The following ODF2L variants were observed in gnomAD, a reference collection of about 807,000 sequenced individuals.
ODF2L encodes the protein outer dense fiber of sperm tails 2 like.
A neutral mutation model predicts 86.3 loss-of-function variants in ODF2L; 76 were observed. The observed-to-expected ratio is 0.88, with a 90% CI of 0.73 to 1.07. ODF2L has a LOEUF of 1.07. Ranked by LOEUF, ODF2L falls within the 50% of genes least tolerant of loss-of-function variation. ODF2L has a pLI of 0.00. For synonymous variants in ODF2L, 241 were observed against 231.3 expected, an observed-to-expected ratio of 1.04 and a Z score of -0.38; for missense variants, 748 against 717.4, an observed-to-expected ratio of 1.04 and a Z score of -0.49.
chr1:86,366,475 C>T (rs1659443499), intron 11 of ODF2L, among the ~76,000 whole-genome samples: 1 of 149,134 alleles, frequency 6.7e-6, no homozygotes, highest in Admixed American at 6.7e-5. Flanking sequence ...CACAAATTAG[C>T]TATGGGCTGT....
At chr1:86,355,323 A>G (rs1004625536) in intron 14 of ODF2L, 3 of 1,486,142 alleles carry the variant, frequency 2.0e-6, no homozygotes, top group African/African-American at 2.8e-5. Flanking sequence ...AAAGTGAACA[A>G]ATCAACCAAA....
chr1:86,364,838 T>C (rs1659292274), intron 11 of ODF2L, among the ~76,000 whole-genome samples: 1 of 152,226 alleles, frequency 6.6e-6, no homozygotes, highest in Non-Finnish European at 1.5e-5. Context: ...AACTCTGTAC[T>C]TCTTCTACGT....
At chr1:86,363,979 T>G (rs552931782) in intron 11 of ODF2L, among the ~76,000 whole-genome samples, 1 of 152,206 alleles carries the variant, frequency 6.6e-6, no homozygotes, top group South Asian at 2.1e-4. Context: ...AAAAACTGCA[T>G]TTACTCTGCA....
At chr1:86,390,662 C>T (rs772063596) in intron 1 of ODF2L, among the ~76,000 whole-genome samples, 2 of 152,196 alleles carry the variant, frequency 1.3e-5, no homozygotes, top group African/African-American at 4.8e-5. Flanking sequence ...CCAGCAAAAT[C>T]GGCATACAAG....
At chr1:86,390,383 A>G (rs369707634) in intron 1 of ODF2L, among the ~76,000 whole-genome samples, 1 of 152,222 alleles carries the variant, frequency 6.6e-6, no homozygotes, top group East Asian at 1.9e-4. Context: ...CCATGCCACT[A>G]CACTCCAGTC....
intron 7 of ODF2L, among the ~76,000 whole-genome samples, chr1:86,378,537 G>T (rs991826523): frequency 6.6e-6 from 1 of 152,196 alleles, no homozygotes; most frequent in Non-Finnish European, 1.5e-5. Flanking sequence ...CTGAGACTGG[G>T]TGATTTACAA....
At chr1:86,371,096 T>C in exon 10 of ODF2L, 2 of 1,563,462 alleles carry the variant, frequency 1.3e-6, no homozygotes, top group Non-Finnish European at 1.7e-6. Context: ...TTTCTTCACA[T>C]GAATTTTTTC....
chr1:86,384,522 T>C (rs1660799677), intron 4 of ODF2L, among the ~76,000 whole-genome samples, 154 bp downstream of exon 4: 1 of 151,866 alleles, frequency 6.6e-6, no homozygotes, highest in African/African-American at 2.4e-5. Context: ...ATACAACTAC[T>C]TATGAAACAC....
intron 7 of ODF2L, among the ~76,000 whole-genome samples, chr1:86,376,967 T>C (rs1660217418): frequency 6.6e-6 from 1 of 152,188 alleles, no homozygotes; most frequent in South Asian, 2.1e-4. Flanking sequence ...TCCAAAGTCT[T>C]ACTTCATTCC....
At chr1:86,388,215 AC>A (rs1329228113) in intron 1 of ODF2L, among the ~76,000 whole-genome samples, 1 of 152,120 alleles carries the variant, frequency 6.6e-6, no homozygotes, top group Non-Finnish European at 1.5e-5. Flanking sequence ...CAATGGTATA[AC>A]AATATTTCGA....
chr1:86,372,881 A>G (rs958045462), intron 8 of ODF2L, among the ~76,000 whole-genome samples: 1 of 152,182 alleles, frequency 6.6e-6, no homozygotes, highest in East Asian at 1.9e-4. Context: ...AAAACCAAAT[A>G]TCGTATGTTC....
At chr1:86,354,016 C>T (rs72718095) in intron 16 of ODF2L, among the ~76,000 whole-genome samples, 2,146 of 152,324 alleles carry the variant, frequency 0.014, 34 homozygotes, top group Non-Finnish European at 0.018. Context: ...GAACCCTACA[C>T]CAGACTATGA....
At chr1:86,373,090 C>T (rs272507) in intron 8 of ODF2L, among the ~76,000 whole-genome samples, 48,294 of 151,840 alleles carry the variant, frequency 0.32, 7,803 homozygotes, top group African/African-American at 0.37. Flanking sequence ...TAACCAGAAA[C>T]GACCTGTCCC....
chr1:86,367,303 A>T (rs1399964219), intron 11 of ODF2L, among the ~76,000 whole-genome samples: 1 of 152,222 alleles, frequency 6.6e-6, no homozygotes, highest in Non-Finnish European at 1.5e-5. Flanking sequence ...GTTTACTTCT[A>T]ATTTTCTCTG....
In ODF2L at chr1:86,385,546, G is replaced by A. The variant is rs1183529658; in HGVS notation, c.158C>T (p.Thr53Ile). 5.0e-6 allele frequency: 8 copies of A among 1,610,058 alleles called. No homozygotes were observed. In the African/African-American group the frequency reaches 1.1e-4, roughly 21 times the overall value. Residue 53 changes from threonine to isoleucine, a missense_variant, in exon 3 of 18, where the codon ACA becomes ATA. Physicochemically the swap from Thr to Ile is moderately conservative, Grantham distance 89. Coordinates refer to ENST00000317336, the Ensembl canonical transcript of ODF2L. ...AGTTACCAACTCCGCTTCCTTAAGT[G>A]TTGCTTCCAATTCAGTCTTTTCATT...
At chr1:86,384,568 C>T (rs991317442) in intron 4 of ODF2L, 108 bp downstream of exon 4, 2 of 696,718 alleles carry the variant, frequency 2.9e-6, no homozygotes, top group African/African-American at 3.7e-5. Context: ...AAATTCAAAG[C>T]ATTATTTCCA....
exon 18 of ODF2L, chr1:86,350,536 A>C (rs573242639): frequency 1.3e-5 from 2 of 152,340 alleles, no homozygotes; most frequent in Admixed American, 1.3e-4. Context: ...AGTCTTTGCT[A>C]TTGTGAATAG....
At chr1:86,375,766 C>G (rs1456090889) in intron 8 of ODF2L, among the ~76,000 whole-genome samples, 2 of 152,188 alleles carry the variant, frequency 1.3e-5, no homozygotes, top group Non-Finnish European at 2.9e-5. Context: ...TAGTGTTCCT[C>G]AGAACCAGTT....
Position 86,368,771 on chromosome 1 carries a change from C to CATT in ODF2L, c.1057-52_1057-50dup, listed in dbSNP as rs764729461. 8.5e-6 allele frequency: 11 copies of CATT among 1,295,692 alleles called. No individual in the cohort carries two copies. The South Asian group carries it at 2.5e-4, about 30-fold the overall frequency. 80.3% of individuals were successfully genotyped at this position (1,295,692 alleles called of 1,614,324 possible). A position where few individuals can be genotyped will look rare whatever the true frequency, so the allele number is the denominator to read the frequency against. ...TTATGTATGAAAATGTTCATCAGAG[C>CATT]ATTATTATTATTAAATGTTAAAAAC... is the stretch of plus-strand genomic sequence containing the variant. On this transcript the variant is annotated intron_variant, in intron 10 of 17. Transcript: ENST00000317336.
Sources: allele counts gnomAD v4.1 joint callset (sites outside exome capture counted in the v4.1 genomes callset), GRCh38; gene constraint gnomAD v4.1.1; transcripts MANE v1.5; gene names NCBI Gene and HGNC (gene_info 2026-07-23, HGNC 2026-07-21).